The following SLC24A4 variants were observed in gnomAD, a reference collection of about 807,000 sequenced individuals.
The protein encoded by SLC24A4 is sodium/potassium/calcium exchanger 4.
In SLC24A4, 53 loss-of-function variants were observed where a neutral mutation model predicts 79.0. The observed-to-expected ratio is 0.67, with a 90% CI of 0.54 to 0.84. The LOEUF (loss-of-function observed/expected upper bound fraction) is 0.84, where lower values mean the gene tolerates loss of function less well. SLC24A4 is among the 40% of genes least tolerant of loss of function. SLC24A4 has a pLI of 0.00. For synonymous variants in SLC24A4, 323 were observed against 323.8 expected (o/e 1.00, Z 0.03); for missense variants, 731 against 822.0 (o/e 0.89, Z 1.35).
chr14:92,341,665 A>G (rs1451601790), intron 2 of SLC24A4, among the ~76,000 whole-genome samples: 8 of 152,124 alleles, frequency 5.3e-5, no homozygotes, highest in African/African-American at 1.9e-4. Flanking sequence ...TGCCTCCCCT[A>G]AAGTGCTTCT....
At chr14:92,468,892 C>CCGTGTGTG (rs1344365121) in intron 12 of SLC24A4, among the ~76,000 whole-genome samples, 1 of 81,414 alleles carries the variant, frequency 1.2e-5, no homozygotes, top group African/African-American at 3.2e-5. Context: ...AATCATGTAT[C>CCGTGTGTG]TGTGTGTGTG....
At chr14:92,429,334 T>A (rs1411849830) in intron 2 of SLC24A4, among the ~76,000 whole-genome samples, 1 of 152,190 alleles carries the variant, frequency 6.6e-6, no homozygotes, top group Non-Finnish European at 1.5e-5. Context: ...CCATTGAACT[T>A]CAAACCACGA....
intron 7 of SLC24A4, 131 bp downstream of exon 7, chr14:92,443,605 C>A: frequency 1.1e-6 from 1 of 926,250 alleles, no homozygotes. Flanking sequence ...GTGTGCCAGC[C>A]ACTCACTGCG....
intron 2 of SLC24A4, among the ~76,000 whole-genome samples, chr14:92,415,480 G>C (rs151309754): frequency 2.0e-5 from 3 of 151,770 alleles, no homozygotes; most frequent in South Asian, 4.2e-4. Flanking sequence ...TTTTCGAGAC[G>C]GAGTTTCACT....
chr14:92,444,702 A>C (rs1440576170), intron 7 of SLC24A4, among the ~76,000 whole-genome samples: 2 of 152,148 alleles, frequency 1.3e-5, no homozygotes, highest in Admixed American at 1.3e-4. Flanking sequence ...TAAAAGTATA[A>C]AAATTAGCCG....
At chr14:92,385,966 GT>G (rs1292414468) in intron 2 of SLC24A4, among the ~76,000 whole-genome samples, 1 of 152,104 alleles carries the variant, frequency 6.6e-6, no homozygotes, top group Non-Finnish European at 1.5e-5. Flanking sequence ...AGGAGGAAGA[GT>G]TTCCGGATGG....
intron 2 of SLC24A4, among the ~76,000 whole-genome samples, chr14:92,351,477 T>A (rs1160318773): frequency 1.3e-5 from 2 of 151,798 alleles, no homozygotes; most frequent in African/African-American, 4.8e-5. Flanking sequence ...TGAAAAAAAA[T>A]ATTTCTAAAC....
intron 2 of SLC24A4, among the ~76,000 whole-genome samples, chr14:92,367,426 T>C (rs1887911838): frequency 6.6e-6 from 1 of 152,244 alleles, no homozygotes. Context: ...GCAGAGCTTG[T>C]TCCAGCTCAC....
intron 2 of SLC24A4, among the ~76,000 whole-genome samples, chr14:92,431,081 ATC>A (rs1453515528): frequency 6.6e-6 from 1 of 152,246 alleles, no homozygotes; most frequent in Non-Finnish European, 1.5e-5. Context: ...AGCCCAAATC[ATC>A]TCTTACTTTC....
intron 2 of SLC24A4, among the ~76,000 whole-genome samples, chr14:92,366,954 T>A (rs552623773): frequency 2.0e-5 from 3 of 152,336 alleles, no homozygotes; most frequent in East Asian, 1.9e-4. Context: ...TGTCTTGTTC[T>A]GGGGTCAGTG....
chr14:92,492,421 C>G (rs527798450), intron 16 of SLC24A4, among the ~76,000 whole-genome samples, 181 bp downstream of exon 16: 1 of 152,362 alleles, frequency 6.6e-6, no homozygotes, highest in South Asian at 2.1e-4. Context: ...AGCATTGGCA[C>G]TCTCGCTGTG....
intron 2 of SLC24A4, among the ~76,000 whole-genome samples, chr14:92,381,774 A>G (rs1888865138): frequency 6.8e-6 from 1 of 147,624 alleles, no homozygotes. Flanking sequence ...AAAAAAAAAT[A>G]CGGTAAAAGC....
At chr14:92,411,424 T>C (rs905486276) in intron 2 of SLC24A4, among the ~76,000 whole-genome samples, 3 of 152,190 alleles carry the variant, frequency 2.0e-5, no homozygotes, top group Non-Finnish European at 4.4e-5. Context: ...GCAAACATTT[T>C]TCCATGCCCA....
At chr14:92,488,669 G>A (rs1371591739) in intron 14 of SLC24A4, among the ~76,000 whole-genome samples, 1 of 150,384 alleles carries the variant, frequency 6.6e-6, no homozygotes, top group Non-Finnish European at 1.5e-5. Context: ...CATGAATGGG[G>A]GCAGGGTACT....
At chr14:92,488,836 A>G (rs1444371055) in intron 14 of SLC24A4, among the ~76,000 whole-genome samples, 1 of 152,208 alleles carries the variant, frequency 6.6e-6, no homozygotes, top group East Asian at 1.9e-4. Flanking sequence ...GACACAGTGG[A>G]AGGTCAAGGG....
intron 10 of SLC24A4, chr14:92,452,701 C>G (rs959285276): frequency 3.3e-5 from 5 of 152,344 alleles, no homozygotes; most frequent in Non-Finnish European, 7.3e-5. Flanking sequence ...GCAAAACAGC[C>G]AACCACAAGC....
chr14:92,363,735 C>T (rs940712302), intron 2 of SLC24A4, among the ~76,000 whole-genome samples: 1 of 151,988 alleles, frequency 6.6e-6, no homozygotes, highest in African/African-American at 2.4e-5. Flanking sequence ...GAGGCTGAGG[C>T]AGGAGAATCA....
intron 8 of SLC24A4, among the ~76,000 whole-genome samples, 172 bp downstream of exon 8, chr14:92,445,514 A>G (rs948172077): frequency 1.3e-5 from 2 of 152,250 alleles, no homozygotes; most frequent in African/African-American, 4.8e-5. Flanking sequence ...TTATCCTGTC[A>G]AAGTGAGAAA....
At chr14:92,344,150 G>A (rs1014465522) in intron 2 of SLC24A4, among the ~76,000 whole-genome samples, 3 of 152,204 alleles carry the variant, frequency 2.0e-5, no homozygotes, top group Non-Finnish European at 4.4e-5. Flanking sequence ...TTGGCCAATG[G>A]ATGTGAGCAG....
Sources: gnomAD v4.1 joint callset for allele counts (sites outside exome capture counted in the v4.1 genomes callset) on GRCh38, gnomAD v4.1.1 for gene constraint, MANE v1.5 for transcripts, NCBI Gene and HGNC (gene_info 2026-07-23, HGNC 2026-07-21) for gene names.